The following TBL1Y variants were observed in gnomAD, a reference collection of about 807,000 sequenced individuals.
TBL1Y encodes the protein F-box-like/WD repeat-containing protein TBL1Y.
In TBL1Y, 15 loss-of-function variants were observed where a neutral mutation model predicts 12.0. The ratio of observed to expected loss-of-function variants is 1.25; its 90% CI spans 0.83 to 1.92. TBL1Y has a LOEUF of 1.92. Ranked by LOEUF, TBL1Y falls within the 40% of genes most tolerant of loss-of-function variation. TBL1Y has a pLI of 0.00. For synonymous variants in TBL1Y, 53 were observed against 42.6 expected (o/e 1.24, Z -0.95); for missense variants, 148 against 116.7 (o/e 1.27, Z -1.24).
chrY:6,995,858 G>T lies in TBL1Y; in HGVS notation c.-180G>T. On this transcript the variant is annotated 5_prime_UTR_variant, in exon 4 of 19. Transcript: ENST00000383032. ...GGCAGTTTTTGAAGAAATGAAGCAG[G>T]ACTTGATGTGGATTGTCATAAACTG... 3.4e-5 allele frequency: 1 copy of T among 29,039 alleles called. No individual in the cohort carries two copies. The highest frequency in any genetic ancestry group is 3.2e-4 in the Admixed American group (1 of 3,081). The allele number at this position is 29,039 out of a possible 400,897, so 7.2% of individuals were successfully genotyped here. A position where few individuals can be genotyped will look rare whatever the true frequency, so the allele number is the denominator to read the frequency against.
chrY:6,999,914 G>A, intron 4 of TBL1Y, among the ~76,000 whole-genome samples: 1 of 28,360 alleles, frequency 3.5e-5, no homozygotes, highest in Non-Finnish European at 8.2e-5. Flanking sequence ...CAATTCAATC[G>A]ACTGAGAAAA....
intron 2 of TBL1Y, among the ~76,000 whole-genome samples, chrY:6,955,909 G>A (rs763187497): frequency 3.0e-5 from 1 of 33,399 alleles, no homozygotes; most frequent in South Asian, 6.9e-4. Flanking sequence ...CTCTACCTTT[G>A]TAATTTCTTG....
At chrY:6,997,876 A>C in intron 4 of TBL1Y, among the ~76,000 whole-genome samples, 1 of 34,201 alleles carries the variant, frequency 2.9e-5, no homozygotes, top group African/African-American at 1.1e-4. Flanking sequence ...CCCCAAACTC[A>C]GCAGGTGAAA....
intron 3 of TBL1Y, among the ~76,000 whole-genome samples, chrY:6,981,055 A>G (rs1030822938): frequency 5.9e-5 from 2 of 33,656 alleles, no homozygotes; most frequent in Admixed American, 5.5e-4. Context: ...CCTAGTTGGA[A>G]TTCCAGGGAA....
intron 8 of TBL1Y, among the ~76,000 whole-genome samples, chrY:7,066,347 T>G: frequency 3.0e-5 from 1 of 33,374 alleles, no homozygotes; most frequent in Non-Finnish European, 7.4e-5. Flanking sequence ...AAGAACTGTT[T>G]TTGTTGTTAT....
intron 4 of TBL1Y, among the ~76,000 whole-genome samples, chrY:7,012,480 C>T: frequency 3.0e-5 from 1 of 33,645 alleles, no homozygotes; most frequent in Non-Finnish European, 7.4e-5. Flanking sequence ...GTGATGGGTA[C>T]ATTGTGTATA....
intron 4 of TBL1Y, among the ~76,000 whole-genome samples, chrY:7,019,579 T>A (rs551985083): frequency 2.9e-5 from 1 of 34,050 alleles, no homozygotes; most frequent in Non-Finnish European, 7.3e-5. Context: ...CTTCTTGAAC[T>A]ATTGTGGGTT....
intron 3 of TBL1Y, among the ~76,000 whole-genome samples, chrY:6,989,000 G>A: frequency 3.0e-5 from 1 of 33,179 alleles, no homozygotes. Flanking sequence ...ACTTTGGGAG[G>A]CTGAGGCAGG....
At chrY:6,923,815 C>T in intron 2 of TBL1Y, among the ~76,000 whole-genome samples, 1 of 33,337 alleles carries the variant, frequency 3.0e-5, no homozygotes, top group Admixed American at 2.7e-4. Flanking sequence ...CCACGCTGGG[C>T]CTATAACAAA....
intron 1 of TBL1Y, among the ~76,000 whole-genome samples, chrY:6,911,736 G>C: frequency 5.8e-5 from 2 of 34,271 alleles, no homozygotes; most frequent in Non-Finnish European, 1.5e-4. Flanking sequence ...TTGCTTCCCA[G>C]TGGTACCTTC....
At chrY:7,057,652 A>AGGATGCT (rs2124169490) in intron 7 of TBL1Y, among the ~76,000 whole-genome samples, 1 of 33,483 alleles carries the variant, frequency 3.0e-5, no homozygotes, top group South Asian at 6.9e-4. Flanking sequence ...TTTACCCCTG[A>AGGATGCT]GTTGCTGGCC....
chrY:7,023,407 G>A, intron 5 of TBL1Y, among the ~76,000 whole-genome samples: 3 of 33,269 alleles, frequency 9.0e-5, no homozygotes, highest in African/African-American at 1.2e-4. Context: ...CATTAGGGGC[G>A]TTCACCATTG....
At chrY:7,037,081 G>A in intron 6 of TBL1Y, among the ~76,000 whole-genome samples, 1 of 33,460 alleles carries the variant, frequency 3.0e-5, no homozygotes, top group African/African-American at 1.2e-4. Context: ...AGGGCTTGTA[G>A]ACAGAGGGCC....
chrY:6,914,066 G>A, intron 2 of TBL1Y, among the ~76,000 whole-genome samples: 1 of 33,312 alleles, frequency 3.0e-5, no homozygotes, highest in East Asian at 7.9e-4. Context: ...TTCTATTGGA[G>A]TATGTTACTT....
chrY:6,916,183 T>C, intron 2 of TBL1Y, among the ~76,000 whole-genome samples: 1 of 31,776 alleles, frequency 3.1e-5, no homozygotes, highest in African/African-American at 1.2e-4. Context: ...TCTTGCCTGC[T>C]ACACTCCTGG....
chrY:7,065,284 C>T (rs2012971935), intron 8 of TBL1Y, among the ~76,000 whole-genome samples: 3 of 32,987 alleles, frequency 9.1e-5, no homozygotes, highest in African/African-American at 2.4e-4. Context: ...TGAGATCTTA[C>T]GGTTTTATAA....
intron 7 of TBL1Y, among the ~76,000 whole-genome samples, chrY:7,062,366 C>T: frequency 5.9e-5 from 2 of 34,062 alleles, no homozygotes; most frequent in Non-Finnish European, 1.5e-4. Context: ...CACATTACAT[C>T]CTCGTTTGAC....
At chrY:6,911,450 G>A (rs775173088) in intron 1 of TBL1Y, among the ~76,000 whole-genome samples, 1 of 34,650 alleles carries the variant, frequency 2.9e-5, no homozygotes, top group Non-Finnish European at 7.3e-5. Context: ...GCCCCGACCT[G>A]GGTGGAAGCG....
At chrY:7,065,798 G>C (rs939504182) in intron 8 of TBL1Y, among the ~76,000 whole-genome samples, 54 of 33,885 alleles carry the variant, frequency 1.6e-3, no homozygotes, top group Non-Finnish European at 3.4e-3. Context: ...TGACTATGCA[G>C]TGACATGGGG....
Sources: allele counts gnomAD v4.1 joint callset (sites outside exome capture counted in the v4.1 genomes callset), GRCh38; gene constraint gnomAD v4.1.1; transcripts MANE v1.5; gene names NCBI Gene and HGNC (gene_info 2026-07-23, HGNC 2026-07-21).